Variants in NREP observed in about 807,000 individuals in gnomAD.
The protein encoded by NREP is neuronal regeneration related protein.
In NREP, 5 loss-of-function variants were observed where a neutral mutation model predicts 8.6. The observed-to-expected ratio is 0.58, with a 90% CI of 0.30 to 1.22. NREP has a LOEUF of 1.22. Ranked by LOEUF, NREP falls within the 50% of genes most tolerant of loss-of-function variation. NREP has a pLI of 0.07. For synonymous variants in NREP, 27 were observed against 28.0 expected, an observed-to-expected ratio of 0.96 and a Z score of 0.11; for missense variants, 86 against 82.5, an observed-to-expected ratio of 1.04 and a Z score of -0.17.
intron 2 of NREP, among the ~76,000 whole-genome samples, chr5:111,931,726 T>G (rs906929180): frequency 1.3e-5 from 2 of 152,162 alleles, no homozygotes; most frequent in Non-Finnish European, 2.9e-5. Flanking sequence ...AACAAAGGCA[T>G]AGTAATTGAT....
At chr5:111,935,008 T>A (rs1167475678) in intron 2 of NREP, among the ~76,000 whole-genome samples, 1 of 151,852 alleles carries the variant, frequency 6.6e-6, no homozygotes, top group East Asian at 1.9e-4. Flanking sequence ...GTAGAAGGGG[T>A]GTGGAAGGGC....
At chr5:111,908,448 A>G (rs958980564) in intron 2 of NREP, among the ~76,000 whole-genome samples, 1 of 151,970 alleles carries the variant, frequency 6.6e-6, no homozygotes, top group African/African-American at 2.4e-5. Flanking sequence ...CCACTCTAGG[A>G]GTCACCAGTG....
intron 2 of NREP, among the ~76,000 whole-genome samples, chr5:111,833,456 G>A (rs1311483056): frequency 2.0e-5 from 3 of 152,188 alleles, no homozygotes; most frequent in Non-Finnish European, 4.4e-5. Flanking sequence ...CTTGCAGACC[G>A]AGGTAAAATC....
intron 2 of NREP, among the ~76,000 whole-genome samples, chr5:111,805,045 T>G (rs1338492535): frequency 6.6e-6 from 1 of 151,826 alleles, no homozygotes; most frequent in Non-Finnish European, 1.5e-5. Context: ...ATTGGAAAAA[T>G]GGGCATATGA....
intron 2 of NREP, among the ~76,000 whole-genome samples, chr5:111,772,793 T>A (rs902500448): frequency 6.6e-6 from 1 of 152,220 alleles, no homozygotes; most frequent in Non-Finnish European, 1.5e-5. Context: ...AGTGTATCTT[T>A]TCATTAATCT....
chr5:111,868,615 T>C (rs1171194772), intron 2 of NREP, among the ~76,000 whole-genome samples: 2 of 152,206 alleles, frequency 1.3e-5, no homozygotes, highest in African/African-American at 4.8e-5. Flanking sequence ...AGACAACTGC[T>C]GTTTTTAGAA....
intron 2 of NREP, among the ~76,000 whole-genome samples, chr5:111,829,905 A>G (rs1752723222): frequency 6.6e-6 from 1 of 152,174 alleles, no homozygotes; most frequent in South Asian, 2.1e-4. Flanking sequence ...TGACTACTAT[A>G]CCAGCTCTTA....
intron 2 of NREP, among the ~76,000 whole-genome samples, chr5:111,946,035 TA>T (rs1755969974): frequency 6.7e-6 from 1 of 150,366 alleles, no homozygotes; most frequent in Non-Finnish European, 1.5e-5. Flanking sequence ...ACAAATGGAC[TA>T]AGAGTGGAAA....
chr5:111,832,716 A>G (rs1752802243), intron 2 of NREP, among the ~76,000 whole-genome samples: 1 of 152,224 alleles, frequency 6.6e-6, no homozygotes, highest in African/African-American at 2.4e-5. Context: ...CTTAGAAACA[A>G]CAGGGGAAGG....
At chr5:111,802,151 CTG>C (rs949503125) in intron 2 of NREP, among the ~76,000 whole-genome samples, 2 of 152,104 alleles carry the variant, frequency 1.3e-5, no homozygotes, top group Non-Finnish European at 1.5e-5. Flanking sequence ...TAGGAGAAGA[CTG>C]TGCTGTTCAG....
intron 2 of NREP, among the ~76,000 whole-genome samples, chr5:111,946,959 T>C (rs114962163): frequency 0.01 from 1,595 of 152,114 alleles, 29 homozygotes; most frequent in African/African-American, 0.036. Context: ...AATAAGAATA[T>C]ACTAGTCTCC....
At chr5:111,925,309 T>G (rs927517772) in intron 2 of NREP, among the ~76,000 whole-genome samples, 1 of 152,134 alleles carries the variant, frequency 6.6e-6, no homozygotes, top group Non-Finnish European at 1.5e-5. Flanking sequence ...TAGTTGTCCT[T>G]GCCACAGGCT....
chr5:111,930,749 T>A (rs1270568126), intron 2 of NREP, among the ~76,000 whole-genome samples: 1 of 152,156 alleles, frequency 6.6e-6, no homozygotes, highest in Non-Finnish European at 1.5e-5. Context: ...CAGGCATACA[T>A]CTCTGGTCTA....
chr5:111,820,719 G>A (rs1471197268), intron 2 of NREP, among the ~76,000 whole-genome samples: 1 of 151,978 alleles, frequency 6.6e-6, no homozygotes, highest in South Asian at 2.1e-4. Context: ...TGCCTTTATG[G>A]TTTCATTGGA....
chr5:111,972,257 T>C (rs1365953388), intron 2 of NREP, among the ~76,000 whole-genome samples: 1 of 152,150 alleles, frequency 6.6e-6, no homozygotes, highest in East Asian at 1.9e-4. Flanking sequence ...GAGAATGTAG[T>C]GTAAAGGGAA....
chr5:111,973,882 G>T (rs1756889607), intron 2 of NREP, among the ~76,000 whole-genome samples: 1 of 152,174 alleles, frequency 6.6e-6, no homozygotes, highest in Admixed American at 6.5e-5. Context: ...AAGTTACCTG[G>T]TTTAATGCTG....
chr5:111,873,881 T>A (rs1379961206), intron 2 of NREP, among the ~76,000 whole-genome samples: 1 of 152,200 alleles, frequency 6.6e-6, no homozygotes, highest in Admixed American at 6.5e-5. Flanking sequence ...AGTTACTCCA[T>A]CAAATCTTGC....
chr5:111,741,446 G>A (rs1749653591), intron 2 of NREP, among the ~76,000 whole-genome samples: 1 of 152,098 alleles, frequency 6.6e-6, no homozygotes, highest in South Asian at 2.1e-4. Context: ...TCTGTTCCCA[G>A]GTGTTACTGG....
chr5:111,922,813 T>C (rs1755282638), intron 2 of NREP, among the ~76,000 whole-genome samples: 1 of 152,112 alleles, frequency 6.6e-6, no homozygotes, highest in Non-Finnish European at 1.5e-5. Context: ...CTGCGAGAAA[T>C]GGCCCATTCT....
Sources: gnomAD v4.1 joint callset for allele counts (sites outside exome capture counted in the v4.1 genomes callset) on GRCh38, gnomAD v4.1.1 for gene constraint, MANE v1.5 for transcripts, NCBI Gene and HGNC (gene_info 2026-07-23, HGNC 2026-07-21) for gene names.